The following PLA2R1 variants were observed in gnomAD, a reference collection of about 807,000 sequenced individuals.
The protein encoded by PLA2R1 is secretory phospholipase A2 receptor.
A neutral mutation model predicts 195.9 loss-of-function variants in PLA2R1; 158 were observed. The observed-to-expected ratio is 0.81, with a 90% CI of 0.71 to 0.92. The LOEUF is 0.92. PLA2R1 is among the 40% of genes least tolerant of loss of function. The pLI is 0.00. For missense variants in PLA2R1, 1,626 were observed against 1,764.6 expected, an observed-to-expected ratio of 0.92 and a Z score of 1.41; for synonymous variants, 586 against 598.2, an observed-to-expected ratio of 0.98 and a Z score of 0.30.
At chr2:160,022,207 A>G (rs928913449) in intron 7 of PLA2R1, among the ~76,000 whole-genome samples, 1 of 152,198 alleles carries the variant, frequency 6.6e-6, no homozygotes, top group Non-Finnish European at 1.5e-5. Context: ...AGGAGCCTAA[A>G]ATTCCTATAC....
At chr2:160,034,536 T>C (rs1044043755) in intron 3 of PLA2R1, among the ~76,000 whole-genome samples, 1 of 152,184 alleles carries the variant, frequency 6.6e-6, no homozygotes, top group African/African-American at 2.4e-5. Flanking sequence ...AAGGACAATA[T>C]ACTACTACGT....
chr2:159,994,546 T>C (rs1691073263), intron 11 of PLA2R1, among the ~76,000 whole-genome samples: 2 of 151,728 alleles, frequency 1.3e-5, no homozygotes, highest in Non-Finnish European at 3.0e-5. Flanking sequence ...GTGATAATTG[T>C]ATTATTATGT....
chr2:159,942,507 G>C (rs937275633), intron 28 of PLA2R1, among the ~76,000 whole-genome samples: 1 of 152,116 alleles, frequency 6.6e-6, no homozygotes, highest in African/African-American at 2.4e-5. Context: ...TTCAGTCCCA[G>C]CACTGTGCTG....
At chr2:160,050,845 T>C (rs2105661680) in intron 1 of PLA2R1, among the ~76,000 whole-genome samples, 1 of 152,316 alleles carries the variant, frequency 6.6e-6, no homozygotes, top group South Asian at 2.1e-4. Flanking sequence ...GTTTGATCTG[T>C]CTGTGTGAAC....
At chr2:159,927,311 G>C (rs760500478), downstream of PLA2R1, among the ~76,000 whole-genome samples, 5 of 152,114 alleles carry the variant, frequency 3.3e-5, 1 homozygote, top group African/African-American at 1.2e-4. Flanking sequence ...CTGTGATTAG[G>C]TGACTTGCAG....
chr2:159,925,576 A>AAG, the PLA2R1 span, among the ~76,000 whole-genome samples: 1 of 150,220 alleles, frequency 6.7e-6, no homozygotes, highest in Non-Finnish European at 1.5e-5. Flanking sequence ...AAAAAAAAAA[A>AAG]GTTGTGGAAA....
chr2:159,984,840 C>T (rs1346489777), intron 12 of PLA2R1, among the ~76,000 whole-genome samples: 1 of 152,184 alleles, frequency 6.6e-6, no homozygotes, highest in African/African-American at 2.4e-5. Context: ...AAGCCTGAGC[C>T]TCTGATGCCA....
chr2:160,054,562 A>G (rs981848203), intron 1 of PLA2R1, among the ~76,000 whole-genome samples: 1 of 152,206 alleles, frequency 6.6e-6, no homozygotes, highest in Non-Finnish European at 1.5e-5. Context: ...ATTTCTTTGG[A>G]ACTGTAGTTG....
chr2:160,012,741 G>A (rs774881737), intron 10 of PLA2R1, among the ~76,000 whole-genome samples: 5 of 152,012 alleles, frequency 3.3e-5, no homozygotes, highest in East Asian at 3.9e-4. Flanking sequence ...GTGAAACCCC[G>A]TCTCTACTAA....
chr2:159,982,412 T>C (rs549579546), intron 13 of PLA2R1, among the ~76,000 whole-genome samples: 1 of 152,324 alleles, frequency 6.6e-6, no homozygotes, highest in Admixed American at 6.5e-5. Context: ...CATGGCCTCA[T>C]GTCAGCATTT....
rs2667042 is a variant in PLA2R1, at chr2:160,015,763, A to G, written c.1551+851T>C. Among the ~76,000 whole-genome samples, 4 of 152,166 alleles carry G rather than the reference A, an allele frequency of 2.6e-5. No individual in the cohort carries two copies. The East Asian group carries it at 5.8e-4, about 22-fold the overall frequency. On this transcript the variant is annotated intron_variant, in intron 9 of 29. Transcript: ENST00000283243. Reference sequence around the variant, plus strand: ...TATCCAACTAGAGTATGAAGTTCACATGTTTACACATTGATTAATGAATAA... The same window carrying G: ...TATCCAACTAGAGTATGAAGTTCACGTGTTTACACATTGATTAATGAATAA...
intron 1 of PLA2R1, among the ~76,000 whole-genome samples, chr2:160,057,215 GAAC>G (rs1695607821): frequency 6.6e-6 from 1 of 152,156 alleles, no homozygotes; most frequent in African/African-American, 2.4e-5. Context: ...TCAACAGAAA[GAAC>G]AACCAAGCAG....
At chr2:160,030,493 C>T (rs549060605) in intron 4 of PLA2R1, among the ~76,000 whole-genome samples, 6 of 152,140 alleles carry the variant, frequency 3.9e-5, no homozygotes, top group Admixed American at 6.6e-5. Flanking sequence ...AATATTAAAA[C>T]GTTAATTATT....
chr2:159,961,422 T>G (rs1309416445), intron 20 of PLA2R1, among the ~76,000 whole-genome samples: 1 of 152,210 alleles, frequency 6.6e-6, no homozygotes, highest in Non-Finnish European at 1.5e-5. Flanking sequence ...CTGGATCCCA[T>G]GCAGATCAGC....
chr2:159,944,848 C>G, intron 28 of PLA2R1, 58 bp downstream of exon 28: 3 of 1,271,698 alleles, frequency 2.4e-6, no homozygotes, highest in Non-Finnish European at 3.4e-6. Flanking sequence ...CTAAAGAAGT[C>G]AGTCAACATT....
chr2:159,989,713 C>T (rs1257397378), intron 11 of PLA2R1, among the ~76,000 whole-genome samples: 1 of 152,028 alleles, frequency 6.6e-6, no homozygotes, highest in Admixed American at 6.6e-5. Context: ...GCTAAAAATA[C>T]CCCTGCAATG....
At chr2:159,997,117 T>C (rs1053350535) in intron 11 of PLA2R1, among the ~76,000 whole-genome samples, 3 of 152,146 alleles carry the variant, frequency 2.0e-5, no homozygotes, top group Admixed American at 6.6e-5. Flanking sequence ...GGATGTAATA[T>C]ATTGGGTAAA....
chr2:160,025,197 T>C (rs1251829300), intron 6 of PLA2R1, among the ~76,000 whole-genome samples: 1 of 152,040 alleles, frequency 6.6e-6, no homozygotes, highest in Non-Finnish European at 1.5e-5. Context: ...AAGATTAAAG[T>C]CAAAATTGTC....
At chr2:160,005,441 A>T (rs571026733) in intron 11 of PLA2R1, among the ~76,000 whole-genome samples, 2 of 135,836 alleles carry the variant, frequency 1.5e-5, no homozygotes, top group Non-Finnish European at 3.1e-5. Context: ...TCTCAAAACA[A>T]ACAAACAAAC....
Sources: allele counts gnomAD v4.1 joint callset (sites outside exome capture counted in the v4.1 genomes callset), GRCh38; gene constraint gnomAD v4.1.1; transcripts MANE v1.5; gene names NCBI Gene and HGNC (gene_info 2026-07-23, HGNC 2026-07-21).